LARP1: variants seen among roughly 807,000 people sequenced by gnomAD.
LARP1 encodes La ribonucleoprotein 1, translational regulator, also known as la-related protein 1.
In LARP1, 36 loss-of-function variants were observed where a neutral mutation model predicts 122.7. The observed-to-expected ratio is 0.29, with a 90% CI of 0.22 to 0.39. The LOEUF is 0.39. LARP1 is among the 10% of genes least tolerant of loss of function. LARP1 has a pLI of 1.00. For missense variants in LARP1, 1,040 were observed against 1,403.6 expected, an observed-to-expected ratio of 0.74 and a Z score of 4.14; for synonymous variants, 539 against 528.7, an observed-to-expected ratio of 1.02 and a Z score of -0.27.
chr5:154,791,136 T>G (rs1481818422), intron 3 of LARP1, among the ~76,000 whole-genome samples: 2 of 118,646 alleles, frequency 1.7e-5, no homozygotes, highest in Non-Finnish European at 3.5e-5. Context: ...TTTTTGTTGT[T>G]TTTTTTTTTT....
chr5:154,811,133 A>G (rs1759240102), intron 16 of LARP1, 114 bp from the exon 17 acceptor site: 2 of 750,274 alleles, frequency 2.7e-6, no homozygotes, highest in Admixed American at 2.6e-5. Context: ...CTGTTTTTTC[A>G]ATACAGAAAT....
chr5:154,786,615 T>A (rs1388753455), intron 1 of LARP1: 2 of 387,364 alleles, frequency 5.2e-6, no homozygotes, highest in Non-Finnish European at 1.0e-5. Flanking sequence ...AGTAACTGTT[T>A]ACTCAGAAAA....
chr5:154,787,798 C>A (rs1398144293), intron 1 of LARP1, among the ~76,000 whole-genome samples: 1 of 152,132 alleles, frequency 6.6e-6, no homozygotes, highest in African/African-American at 2.4e-5. Flanking sequence ...TAAGAATATT[C>A]ATGTGTATGC....
intron 8 of LARP1, among the ~76,000 whole-genome samples, chr5:154,797,680 CT>C (rs79974250): frequency 0.014 from 1,917 of 137,948 alleles, 12 homozygotes; most frequent in African/African-American, 0.035. Context: ...TGTCTACCGT[CT>C]TTTTTTTTTT....
At chr5:154,804,155 G>A (rs1758565490) in intron 13 of LARP1, 46 bp from the exon 14 acceptor site, 2 of 1,387,168 alleles carry the variant, frequency 1.4e-6, no homozygotes, top group African/African-American at 2.8e-5. Context: ...GCTCCTCAGA[G>A]TTGTAGGAGT....
intron 1 of LARP1, among the ~76,000 whole-genome samples, chr5:154,750,021 C>T (rs1180149858): frequency 6.6e-6 from 1 of 152,192 alleles, no homozygotes; most frequent in Non-Finnish European, 1.5e-5. Flanking sequence ...GGATGGAAGG[C>T]TCAGGAGGCT....
At chr5:154,775,509 A>G (rs74595300) in intron 1 of LARP1, among the ~76,000 whole-genome samples, 1 of 150,596 alleles carries the variant, frequency 6.6e-6, no homozygotes, top group Non-Finnish European at 1.5e-5. Flanking sequence ...AAAAAAAAAA[A>G]GGCGACTCCC....
chr5:154,731,874 T>G (rs1202722280), intron 1 of LARP1, among the ~76,000 whole-genome samples: 1 of 151,828 alleles, frequency 6.6e-6, no homozygotes, highest in African/African-American at 2.4e-5. Context: ...ATACAAAAAT[T>G]AGCTGGGTGT....
intron 1 of LARP1, among the ~76,000 whole-genome samples, chr5:154,698,231 T>G (rs1367461853): frequency 6.6e-6 from 1 of 152,226 alleles, no homozygotes; most frequent in African/African-American, 2.4e-5. Context: ...TTAGCATATC[T>G]GTCACTTCAA....
intron 1 of LARP1, among the ~76,000 whole-genome samples, chr5:154,788,231 G>A (rs1162079484): frequency 6.6e-6 from 1 of 152,228 alleles, no homozygotes; most frequent in Non-Finnish European, 1.5e-5. Context: ...AGGAGTATGG[G>A]TGCAGAATGG....
rs937187548 is a variant in LARP1, at chr5:154,799,961, G to T, written c.1635G>T (p.Leu545=). 1 of 1,614,092 alleles carries T rather than the reference G, an allele frequency of 6.2e-7. No individual in the cohort carries two copies. Among genetic ancestry groups the T allele is most frequent in the African/African-American group, 1.3e-5 (1 of 74,940 alleles). The change falls in exon 10 of 19, where the codon CTG becomes CTT. Residue 545 remains leucine (L), a synonymous_variant. Transcript: ENST00000518297. ...ACCTAAAGACACTACCCAAGGGCCT[G>T]TCTGCCAGCCTGCCTGACCTGGATT... The part of the protein sequence containing the change: ...VSNLKTLPKG[L]SASLPDLDSE...
chr5:154,781,535 G>C (rs1756443117), intron 1 of LARP1, among the ~76,000 whole-genome samples: 1 of 152,010 alleles, frequency 6.6e-6, no homozygotes, highest in African/African-American at 2.4e-5. Flanking sequence ...GGAGCTTGCA[G>C]TGAGCCGAGA....
chr5:154,699,361 G>A lies in LARP1; in HGVS notation c.-180+16324G>A, dbSNP rs75007689. ...TTGTAAGACTAGGATAAGGCCATGG[G>A]CTCTGCATTTTAAATAAAGCATTAG... On this transcript the variant is annotated intron_variant, in intron 1 of 18. Transcript: ENST00000687700. Among the ~76,000 whole-genome samples, 788 of 152,164 alleles carry A rather than the reference G, an allele frequency of 5.2e-3. 9 individuals carry two copies. The highest frequency in any genetic ancestry group is 0.034 in the East Asian group (174 of 5,172).
At chr5:154,789,361 G>A (rs1054873054) in intron 1 of LARP1, among the ~76,000 whole-genome samples, 13 of 150,610 alleles carry the variant, frequency 8.6e-5, no homozygotes, top group East Asian at 2.0e-4. Context: ...CTGGGATTAC[G>A]GGCGCCCACC....
intron 1 of LARP1, among the ~76,000 whole-genome samples, chr5:154,706,586 T>C (rs568870508): frequency 3.3e-5 from 5 of 151,766 alleles, no homozygotes; most frequent in South Asian, 4.2e-4. Flanking sequence ...AGGGTGAGGA[T>C]TGAAAAACTA....
intron 10 of LARP1, 68 bp downstream of exon 10, chr5:154,800,110 C>T: frequency 1.4e-6 from 2 of 1,427,598 alleles, no homozygotes; most frequent in Non-Finnish European, 9.7e-7. Flanking sequence ...GGGGATAACA[C>T]ATGGGCACAG....
intron 16 of LARP1, 124 bp from the exon 17 acceptor site, chr5:154,811,123 C>T: frequency 1.4e-6 from 1 of 695,456 alleles, no homozygotes; most frequent in South Asian, 1.9e-5. Context: ...AGCGTGTATG[C>T]TGTTTTTTCA....
chr5:154,779,239 A>T (rs1424002554), intron 1 of LARP1, among the ~76,000 whole-genome samples: 2 of 152,060 alleles, frequency 1.3e-5, no homozygotes, highest in Non-Finnish European at 2.9e-5. Context: ...CTCCTCATGA[A>T]CCTAGTTGCT....
At chr5:154,715,627 G>C (rs1255801717) in intron 1 of LARP1, among the ~76,000 whole-genome samples, 2 of 152,124 alleles carry the variant, frequency 1.3e-5, no homozygotes, top group African/African-American at 4.8e-5. Flanking sequence ...ACCAGCCTTG[G>C]CATCTCAAAA....
Sources: gnomAD v4.1 joint callset for allele counts (sites outside exome capture counted in the v4.1 genomes callset) on GRCh38, gnomAD v4.1.1 for gene constraint, MANE v1.5 for transcripts, NCBI Gene and HGNC (gene_info 2026-07-23, HGNC 2026-07-21) for gene names.